MAN2A1: variants seen among roughly 807,000 people sequenced by gnomAD.
MAN2A1 encodes the protein mannosidase alpha class 2A member 1.
In MAN2A1, 76 loss-of-function variants were observed where a neutral mutation model predicts 142.6. The ratio of observed to expected loss-of-function variants is 0.53; its 90% CI spans 0.44 to 0.65. The LOEUF (loss-of-function observed/expected upper bound fraction) is 0.65. MAN2A1 is among the 30% of genes least tolerant of loss of function. MAN2A1 has a pLI of 0.00. For missense variants in MAN2A1, 1,311 were observed against 1,365.1 expected (o/e 0.96, Z 0.62); for synonymous variants, 559 against 473.2 (o/e 1.18, Z -2.35).
chr5:109,858,201 A>C (rs1429915795), intron 20 of MAN2A1, among the ~76,000 whole-genome samples: 1 of 152,194 alleles, frequency 6.6e-6, no homozygotes, highest in Non-Finnish European at 1.5e-5. Context: ...GCAGTTTTGC[A>C]TTATCATATC....
intron 5 of MAN2A1, among the ~76,000 whole-genome samples, chr5:109,756,922 C>G (rs1228768426): frequency 6.6e-6 from 1 of 152,152 alleles, no homozygotes; most frequent in Non-Finnish European, 1.5e-5. Flanking sequence ...CCTACATGAC[C>G]AGCCCCCAAC....
chr5:109,725,438 G>A (rs1231660340), intron 3 of MAN2A1, among the ~76,000 whole-genome samples: 1 of 152,218 alleles, frequency 6.6e-6, no homozygotes, highest in Non-Finnish European at 1.5e-5. Context: ...CCACTGTTTA[G>A]GCTAGAGAGG....
At chr5:109,743,132 T>C (rs1383728486) in intron 4 of MAN2A1, among the ~76,000 whole-genome samples, 1 of 152,192 alleles carries the variant, frequency 6.6e-6, no homozygotes, top group Non-Finnish European at 1.5e-5. Flanking sequence ...TTGAGCTCTT[T>C]CACTTTCGGG....
At chr5:109,832,747 G>T (rs1023063308) in intron 16 of MAN2A1, among the ~76,000 whole-genome samples, 1 of 151,448 alleles carries the variant, frequency 6.6e-6, no homozygotes, top group Non-Finnish European at 1.5e-5. Context: ...CCTCCCGGAT[G>T]GGGCGGCTGG....
intron 19 of MAN2A1, among the ~76,000 whole-genome samples, chr5:109,851,518 C>G (rs779752370): frequency 2.8e-4 from 43 of 152,170 alleles, no homozygotes; most frequent in Non-Finnish European, 5.4e-4. Context: ...CTCTCTTGCA[C>G]TCTCTTGCCT....
intron 15 of MAN2A1, among the ~76,000 whole-genome samples, chr5:109,821,405 A>G (rs1399899330): frequency 1.3e-5 from 2 of 152,232 alleles, no homozygotes; most frequent in East Asian, 3.8e-4. Context: ...GAATGCTACA[A>G]TGCAATTCTG....
At chr5:109,738,274 G>A (rs1330943776) in intron 4 of MAN2A1, among the ~76,000 whole-genome samples, 1 of 124,820 alleles carries the variant, frequency 8.0e-6, no homozygotes. Flanking sequence ...GATCTTTGTT[G>A]GCTTCTGTAT....
chr5:109,815,866 G>A (rs1005119703), intron 12 of MAN2A1, among the ~76,000 whole-genome samples: 1 of 152,176 alleles, frequency 6.6e-6, no homozygotes, highest in East Asian at 1.9e-4. Flanking sequence ...TGTTCCTGCG[G>A]TTACAAAATT....
At chr5:109,857,188 A>G (rs979310819) in intron 20 of MAN2A1, among the ~76,000 whole-genome samples, 1 of 152,198 alleles carries the variant, frequency 6.6e-6, no homozygotes, top group Non-Finnish European at 1.5e-5. Context: ...CCAGAACAGA[A>G]GCTCCATGAG....
intron 15 of MAN2A1, 133 bp from the exon 16 acceptor site, chr5:109,823,590 A>G (rs1580289688): frequency 1.8e-6 from 1 of 553,496 alleles, no homozygotes; most frequent in East Asian, 3.1e-5. Flanking sequence ...GTTACCTTGT[A>G]AGATCTGGTT....
At chr5:109,823,661 CAT>C (rs1228833251) in intron 15 of MAN2A1, 60 bp from the exon 16 acceptor site, 2 of 829,514 alleles carry the variant, frequency 2.4e-6, no homozygotes, top group Non-Finnish European at 4.1e-6. Flanking sequence ...CCATAATAAA[CAT>C]ATTCTTTTAA....
chr5:109,843,521 A>G (rs1755267628), intron 17 of MAN2A1, among the ~76,000 whole-genome samples: 2 of 152,164 alleles, frequency 1.3e-5, no homozygotes, highest in African/African-American at 4.8e-5. Context: ...TTCCCTATAT[A>G]TTGGTTTAAT....
intron 17 of MAN2A1, 22 bp downstream of exon 17, chr5:109,842,483 T>C: frequency 6.7e-7 from 1 of 1,494,418 alleles, no homozygotes; most frequent in Non-Finnish European, 9.2e-7. Flanking sequence ...TTTAAAATGT[T>C]TAAGTAATGG....
Position 109,776,738 on chromosome 5 carries a change from A to G in MAN2A1, c.1374+1773A>G, listed in dbSNP as rs1019443005. Among the ~76,000 whole-genome samples, 3 of 152,080 alleles carry G rather than the reference A, an allele frequency of 2.0e-5. No homozygotes were observed. In the East Asian group the frequency reaches 5.8e-4, roughly 29 times the overall value. On this transcript the variant is annotated intron_variant, in intron 8 of 21. Coordinates refer to ENST00000261483, the MANE Select transcript of MAN2A1 (RefSeq NM_002372.4). ...GCTTAGAACTTTTATTGTCCCTCAG[A>G]TCTCTTTCCAGTCATCACCAACTGC...
intron 12 of MAN2A1, among the ~76,000 whole-genome samples, chr5:109,799,480 C>T (rs372599275): frequency 6.6e-4 from 100 of 152,208 alleles, no homozygotes; most frequent in African/African-American, 2.1e-3. Flanking sequence ...GCAGGCCAGG[C>T]GCAGTGGCTC....
chr5:109,703,279 A>G (rs1023419352), intron 1 of MAN2A1, among the ~76,000 whole-genome samples: 1 of 152,248 alleles, frequency 6.6e-6, no homozygotes, highest in African/African-American at 2.4e-5. Context: ...GCATATCCTA[A>G]CATGCAATAC....
rs1285718462 is a variant in MAN2A1 at position 109,770,086 on chromosome 5, G to T, written c.1010-269G>T. Reference sequence around the variant, plus strand: ...CGGCTGCTCAGTTTGTATCCCTCCTGGTCAGCTGGCGCTGGTTCATGCTGG... The same window carrying T: ...CGGCTGCTCAGTTTGTATCCCTCCTTGTCAGCTGGCGCTGGTTCATGCTGG... On this transcript the variant is annotated intron_variant, in intron 6 of 21. Coordinates refer to ENST00000261483, the MANE Select transcript of MAN2A1 (RefSeq NM_002372.4). Among the ~76,000 whole-genome samples the T allele has an allele frequency of 1.2e-4, 18 of 152,090 alleles. 1 individual carries two copies. The highest frequency in any genetic ancestry group is 1.2e-3 in the Admixed American group (18 of 15,260).
intron 1 of MAN2A1, among the ~76,000 whole-genome samples, chr5:109,702,636 A>G (rs1751021504): frequency 6.6e-6 from 1 of 152,190 alleles, no homozygotes; most frequent in African/African-American, 2.4e-5. Context: ...CACTTGATGT[A>G]TAGGATATTT....
At chr5:109,778,925 C>G (rs1753369354) in intron 8 of MAN2A1, among the ~76,000 whole-genome samples, 1 of 152,030 alleles carries the variant, frequency 6.6e-6, no homozygotes, top group African/African-American at 2.4e-5. Context: ...GTCATTTTGC[C>G]ATTTGATCAT....
Sources: gnomAD v4.1 joint callset for allele counts (sites outside exome capture counted in the v4.1 genomes callset) on GRCh38, gnomAD v4.1.1 for gene constraint, MANE v1.5 for transcripts, NCBI Gene and HGNC (gene_info 2026-07-23, HGNC 2026-07-21) for gene names.